Variants in PCLO observed in about 807,000 individuals in gnomAD.
The protein encoded by PCLO is piccolo presynaptic cytomatrix protein.
PCLO carries 82 observed loss-of-function variants against 427.5 expected under a neutral mutation model. The ratio of observed to expected loss-of-function variants is 0.19; its 90% CI spans 0.16 to 0.23. PCLO has a LOEUF of 0.23. Ranked by LOEUF, PCLO falls within the 10% of genes least tolerant of loss-of-function variation. The pLI, the probability that PCLO is intolerant of heterozygous loss-of-function variation, is 1.00. For synonymous variants in PCLO, 2,357 were observed against 2,155.4 expected, an observed-to-expected ratio of 1.09 and a Z score of -2.59; for missense variants, 6,239 against 6,115.9, an observed-to-expected ratio of 1.02 and a Z score of -0.67.
In PCLO at chr7:83,135,488, C is replaced by T. The variant is rs1791702716; in HGVS notation, c.2062G>A (p.Ala688Thr). Residue 688 changes from alanine to threonine, a missense_variant, in exon 3 of 25, where the codon GCT (alanine) becomes ACT (threonine). Coordinates refer to ENST00000333891, the MANE Select transcript of PCLO (RefSeq NM_033026.6). ...TTGGAGAGATCCTGTTTTGGTGCAGCATCCTTCTTTGGGGAAGTCTGCTGT... is the reference window on the plus strand; with the variant it reads ...TTGGAGAGATCCTGTTTTGGTGCAGTATCCTTCTTTGGGGAAGTCTGCTGT... ...QPQQTSPKKDAAPKQDLSKAP... is the reference protein window; with the variant it reads ...QPQQTSPKKDTAPKQDLSKAP... 1.2e-6 allele frequency: 2 copies of T among 1,613,620 alleles called. No homozygotes were observed. The highest frequency in any genetic ancestry group is 1.7e-6 in the Non-Finnish European group (2 of 1,179,866).
At chr7:82,974,828 G>C (rs565332421) in intron 3 of PCLO, among the ~76,000 whole-genome samples, 1 of 152,008 alleles carries the variant, frequency 6.6e-6, no homozygotes, top group East Asian at 1.9e-4. Flanking sequence ...GCCCAGGCTG[G>C]AGTGCAGTGG....
At chr7:83,034,120 G>A (rs1452086080) in intron 3 of PCLO, among the ~76,000 whole-genome samples, 2 of 152,092 alleles carry the variant, frequency 1.3e-5, no homozygotes, top group Non-Finnish European at 2.9e-5. Flanking sequence ...ATAATCTCTT[G>A]TTCCATTCCA....
rs1792503168 is a variant in PCLO, at chr7:82,846,419, T to C, written c.13831+148A>G. ...GCCCTAGATTTTGTTTATAATTATA[T>C]AAATACATAAAAAAATCTATCCATA... is the stretch of plus-strand genomic sequence containing the variant. On this transcript the variant is annotated intron_variant, in intron 12 of 24. Transcript: ENST00000333891. 8.3e-6 allele frequency: 5 copies of C among 604,528 alleles called. No individual in the cohort carries two copies. The South Asian group carries it at 8.3e-5, about 10-fold the overall frequency. 37.4% of individuals were successfully genotyped at this position (604,528 alleles called of 1,614,324 possible).
intron 10 of PCLO, among the ~76,000 whole-genome samples, chr7:82,858,376 A>T (rs1475934952): frequency 6.6e-6 from 1 of 152,170 alleles, no homozygotes; most frequent in East Asian, 1.9e-4. Flanking sequence ...CAATGAAGAA[A>T]AGTTGAAAGT....
intron 3 of PCLO, among the ~76,000 whole-genome samples, chr7:83,125,646 C>T (rs1444423348): frequency 2.0e-5 from 3 of 152,132 alleles, no homozygotes; most frequent in South Asian, 2.1e-4. Context: ...GGATTAAGGG[C>T]GGTGCAAGAT....
rs777818111 is a variant in PCLO, at chr7:82,966,060, G to A, written c.3728C>T (p.Pro1243Leu). Residue 1243 changes from proline to leucine, a missense_variant, in exon 4 of 25, where the codon CCT becomes CTT. Transcript: ENST00000333891. ...CTCTGGGAGTAGCTTTTTGTCTTCA[G>A]GGGTTGGCTTTTTTTCTTCTAGGAG... ...KPLLEEKKPTPEDKKLLPEAK... is the reference protein window; with the variant it reads ...KPLLEEKKPTLEDKKLLPEAK... 22 of 1,613,166 alleles carry A rather than the reference G, an allele frequency of 1.4e-5. No homozygotes were observed. The Admixed American group carries it at 3.3e-4, about 24-fold the overall frequency.
chr7:82,774,383 G>C (rs571711204), intron 22 of PCLO, among the ~76,000 whole-genome samples: 1 of 152,004 alleles, frequency 6.6e-6, no homozygotes, highest in Non-Finnish European at 1.5e-5. Context: ...TTTGTACACT[G>C]TGCCATTATT....
intron 9 of PCLO, among the ~76,000 whole-genome samples, chr7:82,884,570 C>T (rs1461112371): frequency 2.0e-5 from 3 of 151,954 alleles, no homozygotes; most frequent in Non-Finnish European, 2.9e-5. Context: ...AAGACAATTG[C>T]AAAATTAGAA....
chr7:83,090,014 G>A (rs10278053), intron 3 of PCLO, among the ~76,000 whole-genome samples: 6,657 of 152,114 alleles, frequency 0.044, 479 homozygotes, highest in African/African-American at 0.15. Flanking sequence ...TAATGAAGCC[G>A]TAGGTACTGG....
At chr7:82,818,448 T>C (rs952049933) in intron 20 of PCLO, among the ~76,000 whole-genome samples, 1 of 152,170 alleles carries the variant, frequency 6.6e-6, no homozygotes, top group African/African-American at 2.4e-5. Flanking sequence ...GTGGGAAGGC[T>C]TCCTTTTGTT....
At chr7:83,004,985 A>T (rs2115948651) in intron 3 of PCLO, among the ~76,000 whole-genome samples, 1 of 151,690 alleles carries the variant, frequency 6.6e-6, no homozygotes, top group African/African-American at 2.4e-5. Context: ...ATCACCTTAC[A>T]CCTGTTAAGA....
intron 4 of PCLO, among the ~76,000 whole-genome samples, chr7:82,963,937 G>A (rs1395867721): frequency 6.6e-6 from 1 of 151,906 alleles, no homozygotes; most frequent in Non-Finnish European, 1.5e-5. Flanking sequence ...ATAAAATAAA[G>A]GAAAAAAGTA....
intron 3 of PCLO, among the ~76,000 whole-genome samples, chr7:83,095,857 T>C (rs1790521847): frequency 6.6e-6 from 1 of 152,020 alleles, no homozygotes; most frequent in Non-Finnish European, 1.5e-5. Context: ...TGTTATTTCT[T>C]AGAATACATT....
At chr7:82,824,151 T>A in intron 19 of PCLO, 85 bp downstream of exon 19, 1 of 885,890 alleles carries the variant, frequency 1.1e-6, no homozygotes, top group Non-Finnish European at 1.7e-6. Flanking sequence ...TTAATATAGG[T>A]TAAATGTACA....
At chr7:82,934,651 C>G (rs1003207464) in intron 6 of PCLO, among the ~76,000 whole-genome samples, 1 of 151,586 alleles carries the variant, frequency 6.6e-6, no homozygotes, top group African/African-American at 2.4e-5. Context: ...AATTTCAGAG[C>G]ATGTCTAGGA....
At chr7:83,056,350 CAACA>C in intron 3 of PCLO, among the ~76,000 whole-genome samples, 1 of 152,210 alleles carries the variant, frequency 6.6e-6, no homozygotes, top group East Asian at 1.9e-4. Flanking sequence ...GAATAACAGA[CAACA>C]AACAGACTTC....
intron 3 of PCLO, among the ~76,000 whole-genome samples, chr7:83,071,113 T>C (rs1789805046): frequency 6.6e-6 from 1 of 152,136 alleles, no homozygotes; most frequent in South Asian, 2.1e-4. Flanking sequence ...TGGTGTTAAT[T>C]ATATTCACAC....
intron 16 of PCLO, among the ~76,000 whole-genome samples, chr7:82,834,708 A>G (rs982118134): frequency 6.6e-6 from 1 of 152,174 alleles, no homozygotes; most frequent in Non-Finnish European, 1.5e-5. Flanking sequence ...GCTTTTGGCT[A>G]TGTACTAAGA....
Position 83,040,968 on chromosome 7 carries a change from A to G in PCLO, c.3301-74481T>C, listed in dbSNP as rs979987931. On this transcript the variant is annotated intron_variant, in intron 3 of 24. Transcript: ENST00000333891. ...AAAAATTTTAAAAGGATAATTGTGA[A>G]TAGTTTTTAGACTGAGAATACTACT... Among the ~76,000 whole-genome samples the G allele has an allele frequency of 7.2e-5, 11 of 152,348 alleles. No individual in the cohort carries two copies. The East Asian group carries it at 2.1e-3, about 29-fold the overall frequency.
Sources: allele counts gnomAD v4.1 joint callset (sites outside exome capture counted in the v4.1 genomes callset), GRCh38; gene constraint gnomAD v4.1.1; transcripts MANE v1.5; gene names NCBI Gene and HGNC (gene_info 2026-07-23, HGNC 2026-07-21).